ATXN1: variants seen among roughly 807,000 people sequenced by gnomAD.
The protein encoded by ATXN1 is ataxin 1.
A neutral mutation model predicts 56.4 loss-of-function variants in ATXN1; 8 were observed. That is an observed-to-expected ratio of 0.14 (90% confidence interval 0.08 to 0.26). The LOEUF is 0.26. ATXN1 is among the 10% of genes least tolerant of loss of function. The pLI is 1.00. For missense variants in ATXN1, 987 were observed against 1,106.5 expected (o/e 0.89, Z 1.53); for synonymous variants, 514 against 494.6 (o/e 1.04, Z -0.52).
At chr6:16,549,597 A>G (rs774213268) in intron 4 of ATXN1, among the ~76,000 whole-genome samples, 1 of 152,144 alleles carries the variant, frequency 6.6e-6, no homozygotes, top group Non-Finnish European at 1.5e-5. Flanking sequence ...TAAAGGGCAC[A>G]TTCAAGAATA....
intron 4 of ATXN1, among the ~76,000 whole-genome samples, chr6:16,564,312 T>C (rs1333656329): frequency 1.3e-4 from 15 of 115,010 alleles, no homozygotes; most frequent in Non-Finnish European, 3.2e-5. Context: ...ATGTGTAAAA[T>C]GAAAAAAAAA....
At chr6:16,498,190 A>T (rs235154) in intron 5 of ATXN1, among the ~76,000 whole-genome samples, 7,512 of 151,990 alleles carry the variant, frequency 0.049, 350 homozygotes, top group South Asian at 0.16. Flanking sequence ...CTACTTTCTG[A>T]CTCTAAGGAG....
chr6:16,690,538 T>C (rs955190806), intron 2 of ATXN1, among the ~76,000 whole-genome samples: 8 of 152,192 alleles, frequency 5.3e-5, no homozygotes, highest in Non-Finnish European at 7.3e-5. Context: ...TCCCAACACA[T>C]TGATGATATG....
chr6:16,335,130 C>A (rs1761087816), intron 6 of ATXN1, among the ~76,000 whole-genome samples: 1 of 152,238 alleles, frequency 6.6e-6, no homozygotes. Context: ...TGTGATTCCA[C>A]TCTGTGTCAA....
At chr6:16,547,204 T>C (rs923533528) in intron 4 of ATXN1, among the ~76,000 whole-genome samples, 9 of 152,348 alleles carry the variant, frequency 5.9e-5, no homozygotes, top group African/African-American at 1.9e-4. Flanking sequence ...GACGGAAATA[T>C]ACTGTTCAAT....
intron 4 of ATXN1, among the ~76,000 whole-genome samples, chr6:16,533,725 T>C (rs1761545935): frequency 6.6e-6 from 1 of 152,152 alleles, no homozygotes; most frequent in South Asian, 2.1e-4. Context: ...AGAGAAGTCT[T>C]CTTCTTTCCC....
At chr6:16,404,985 G>A (rs1299642174) in intron 6 of ATXN1, among the ~76,000 whole-genome samples, 1 of 152,164 alleles carries the variant, frequency 6.6e-6, no homozygotes, top group Non-Finnish European at 1.5e-5. Context: ...TGTGGGGCTT[G>A]GAAGATGTCC....
rs76629559 is a variant in ATXN1, at chr6:16,620,555, G to T, written c.-488-34648C>A. ...TATCCTAGGATCCTAAGAAATTGGGGCAATCTTTAATATGCATCTTTAAGG... is the reference window on the plus strand; with the variant it reads ...TATCCTAGGATCCTAAGAAATTGGGTCAATCTTTAATATGCATCTTTAAGG... On this transcript the variant is annotated intron_variant, in intron 3 of 7. Coordinates refer to ENST00000436367, the MANE Select transcript of ATXN1 (RefSeq NM_001128164.2). Among the ~76,000 whole-genome samples the T allele has an allele frequency of 3.1e-3, 472 of 152,202 alleles. 4 individuals carry two copies. Among genetic ancestry groups the T allele is most frequent in the African/African-American group, 0.011 (445 of 41,518 alleles).
At chr6:16,458,792 C>A (rs562234846) in intron 6 of ATXN1, among the ~76,000 whole-genome samples, 1 of 152,348 alleles carries the variant, frequency 6.6e-6, no homozygotes, top group African/African-American at 2.4e-5. Context: ...CCAAGGCAAT[C>A]ACTAGACGGG....
chr6:16,353,413 A>T (rs1761613511), intron 6 of ATXN1, among the ~76,000 whole-genome samples: 1 of 152,036 alleles, frequency 6.6e-6, no homozygotes, highest in South Asian at 2.1e-4. Context: ...GGTGGCTCAC[A>T]CCTGTAGTCC....
intron 2 of ATXN1, among the ~76,000 whole-genome samples, chr6:16,729,625 A>G (rs558214162): frequency 4.6e-5 from 7 of 152,314 alleles, no homozygotes; most frequent in African/African-American, 1.4e-4. Flanking sequence ...CCATGTTGCA[A>G]TCCAGCCATC....
At chr6:16,565,416 C>T (rs924634057) in intron 4 of ATXN1, among the ~76,000 whole-genome samples, 9 of 152,012 alleles carry the variant, frequency 5.9e-5, no homozygotes, top group African/African-American at 2.2e-4. Context: ...GATAAACATG[C>T]CAAAATATTG....
At chr6:16,532,441 T>G (rs1357578110) in intron 4 of ATXN1, among the ~76,000 whole-genome samples, 1 of 152,136 alleles carries the variant, frequency 6.6e-6, no homozygotes, top group African/African-American at 2.4e-5. Context: ...GGCTGCCCCA[T>G]GGAACCCCAG....
intron 6 of ATXN1, among the ~76,000 whole-genome samples, chr6:16,329,109 T>C (rs1760919691): frequency 6.6e-6 from 1 of 152,126 alleles, no homozygotes; most frequent in South Asian, 2.1e-4. Flanking sequence ...TTTCTCCTTT[T>C]CTTCTTCAAG....
In ATXN1 at chr6:16,332,947, C is replaced by T. The variant is rs140507568; in HGVS notation, c.-160-4477G>A. Among the ~76,000 whole-genome samples, 431 of 152,322 alleles carry T rather than the reference C, an allele frequency of 2.8e-3. 13 individuals are homozygous for T. Among genetic ancestry groups the T allele is most frequent in the Admixed American group, 0.025 (389 of 15,310 alleles). On this transcript the variant is annotated intron_variant, in intron 6 of 7. Coordinates refer to ENST00000436367, the MANE Select transcript of ATXN1 (RefSeq NM_001128164.2). ...ATTTTAACAAGATATCCAGATGATTCTATGCACAGTAAGGTTTGAGAAACC... is the reference window on the plus strand; with the variant it reads ...ATTTTAACAAGATATCCAGATGATTTTATGCACAGTAAGGTTTGAGAAACC...
intron 5 of ATXN1, among the ~76,000 whole-genome samples, chr6:16,511,975 C>T (rs1193074548): frequency 6.6e-6 from 1 of 152,208 alleles, no homozygotes. Context: ...CAAGACTAAC[C>T]TTGCCTCTCC....
chr6:16,759,669 A>C (rs1761006408), intron 1 of ATXN1, among the ~76,000 whole-genome samples: 1 of 151,658 alleles, frequency 6.6e-6, no homozygotes, highest in South Asian at 2.1e-4. Context: ...CACGGGCTCG[A>C]ACCGAATCCC....
intron 6 of ATXN1, among the ~76,000 whole-genome samples, chr6:16,438,444 T>C (rs767092659): frequency 6.6e-6 from 1 of 152,218 alleles, no homozygotes; most frequent in Non-Finnish European, 1.5e-5. Context: ...ACTGAAATAA[T>C]ACATTTAGTG....
At chr6:16,627,032 G>A (rs558347296) in intron 3 of ATXN1, among the ~76,000 whole-genome samples, 2 of 152,316 alleles carry the variant, frequency 1.3e-5, no homozygotes, top group East Asian at 3.9e-4. Context: ...CTCGCAAACT[G>A]ACAGATACTA....
Sources: gnomAD v4.1 joint callset for allele counts (sites outside exome capture counted in the v4.1 genomes callset) on GRCh38, gnomAD v4.1.1 for gene constraint, MANE v1.5 for transcripts, NCBI Gene and HGNC (gene_info 2026-07-23, HGNC 2026-07-21) for gene names.